TYW5: variants seen among roughly 807,000 people sequenced by gnomAD.
TYW5 encodes tRNA wybutosine-synthesizing protein 5.
In TYW5, 36 loss-of-function variants were observed where a neutral mutation model predicts 44.4. That is an observed-to-expected ratio of 0.81 (90% CI 0.62 to 1.07). The LOEUF (loss-of-function observed/expected upper bound fraction) is 1.07. Among genes scored for constraint, TYW5 ranks in the 50% least tolerant of loss-of-function variants. TYW5 has a pLI of 0.00. For synonymous variants in TYW5, 121 were observed against 128.1 expected, an observed-to-expected ratio of 0.94 and a Z score of 0.37; for missense variants, 354 against 365.7, an observed-to-expected ratio of 0.97 and a Z score of 0.26.
At chr2:199,953,360 G>T (rs142188733) in intron 1 of TYW5, among the ~76,000 whole-genome samples, 1 of 152,104 alleles carries the variant, frequency 6.6e-6, no homozygotes, top group Non-Finnish European at 1.5e-5. Context: ...GCCAATGTAG[G>T]TTTATCAATT....
intron 7 of TYW5, among the ~76,000 whole-genome samples, chr2:199,935,340 A>G (rs547420979): frequency 6.6e-6 from 1 of 151,832 alleles, no homozygotes; most frequent in East Asian, 2.0e-4. Flanking sequence ...AATTTAGTTT[A>G]TTCAGAGACA....
At chr2:199,943,140 G>A (rs2077478125) in intron 3 of TYW5, 1 of 152,246 alleles carries the variant, frequency 6.6e-6, no homozygotes, top group Non-Finnish European at 1.5e-5. Context: ...ACAGGCGTGA[G>A]CCATTGCGCT....
chr2:199,939,371 G>C (rs548607348), intron 4 of TYW5, among the ~76,000 whole-genome samples: 1 of 152,276 alleles, frequency 6.6e-6, no homozygotes, highest in South Asian at 2.1e-4. Flanking sequence ...CCAAAGTGCT[G>C]GGATTACAGG....
At chr2:199,935,783 CACAG>C (rs2077415562) in intron 7 of TYW5, 144 bp downstream of exon 7, 1 of 597,844 alleles carries the variant, frequency 1.7e-6, no homozygotes, top group African/African-American at 1.9e-5. Context: ...CACACGCACA[CACAG>C]AGTTTTGTCT....
intron 1 of TYW5, among the ~76,000 whole-genome samples, chr2:199,950,575 A>G (rs2077536750): frequency 6.6e-6 from 1 of 152,166 alleles, no homozygotes. Context: ...CCACAACCCC[A>G]AGATGTGCAC....
At chr2:199,950,590 G>T (rs531447255) in intron 1 of TYW5, among the ~76,000 whole-genome samples, 33 of 152,142 alleles carry the variant, frequency 2.2e-4, no homozygotes, top group Non-Finnish European at 4.4e-4. Context: ...GTGCACATTA[G>T]GTACACTGGC....
At position 199,943,793 on chromosome 2, in the gene TYW5, T is replaced by C. The variant is rs772589458; in HGVS notation, c.275A>G (p.Glu92Gly). Reference sequence around the variant, plus strand: ...TGAAACAAAGAATTCTTTATGTTTCTCTTCAGCTGCCCTCTGGACCAACTG... The same window carrying C: ...TGAAACAAAGAATTCTTTATGTTTCCCTTCAGCTGCCCTCTGGACCAACTG... Reference protein sequence around the residue: ...FDQLVQRAAEEKHKEFFVSED... With the variant: ...FDQLVQRAAEGKHKEFFVSED... The change falls in exon 3 of 8, where the codon GAG (glutamate) becomes GGG (glycine). Residue 92 changes from glutamate to glycine, a missense_variant. Physicochemically the swap from Glu to Gly is moderately conservative, Grantham distance 98. Transcript: ENST00000354611. 3.4e-5 allele frequency: 55 copies of C among 1,610,722 alleles called. No individual in the cohort carries two copies. Among genetic ancestry groups the C allele is most frequent in the Non-Finnish European group, 4.6e-5 (54 of 1,179,284 alleles).
intron 4 of TYW5, among the ~76,000 whole-genome samples, chr2:199,939,345 C>A (rs2077446809): frequency 6.6e-6 from 1 of 152,118 alleles, no homozygotes; most frequent in Non-Finnish European, 1.5e-5. Flanking sequence ...TCAGGTGATC[C>A]ACCCACCTCA....
At position 199,948,659 on chromosome 2, in the gene TYW5, A is replaced by G. The variant is rs527936218; in HGVS notation, c.79-187T>C. 2.6e-5 allele frequency among the ~76,000 whole-genome samples: 4 copies of G among 152,346 alleles called. No individual in the cohort carries two copies. The East Asian group carries it at 7.7e-4, about 29-fold the overall frequency. ...AGAGGGGCCATATGAAATATCTAGAACAAAATTTTAAGATTAGAAAAACAA... is the reference window on the plus strand; with the variant it reads ...AGAGGGGCCATATGAAATATCTAGAGCAAAATTTTAAGATTAGAAAAACAA... On this transcript the variant is annotated intron_variant, in intron 1 of 7. Transcript: ENST00000354611.
rs924874175 is a variant in TYW5 at position 199,929,736 on chromosome 2, G to GAGTT, written c.*3327_*3330dup. On this transcript the variant is annotated 3_prime_UTR_variant, in exon 8 of 8. Transcript: ENST00000354611. ...CTTTGTTTTGGTATTTTATCAAAGTGAGTTAGAAATTAATTACAGGACAAA... is the reference window on the plus strand; with the variant it reads ...CTTTGTTTTGGTATTTTATCAAAGTGAGTTAGTTAGAAATTAATTACAGGACAAA... Among the ~76,000 whole-genome samples, 2 of 151,964 alleles carry GAGTT rather than the reference G, an allele frequency of 1.3e-5. No homozygotes were observed. Among genetic ancestry groups the GAGTT allele is most frequent in the East Asian group, 3.9e-4 (2 of 5,192 alleles).
At chr2:199,946,010 A>C (rs1574805314) in intron 2 of TYW5, 1 of 152,230 alleles carries the variant, frequency 6.6e-6, no homozygotes, top group Non-Finnish European at 1.5e-5. Context: ...ATGTCAAAGA[A>C]GGCTTAATCA....
Position 199,932,679 on chromosome 2 carries a change from AG to A in TYW5, c.*387del. 5.2e-6 allele frequency: 1 copy of A among 191,182 alleles called. No individual in the cohort carries two copies. Among genetic ancestry groups the A allele is most frequent in the South Asian group, 9.8e-5 (1 of 10,212 alleles). 11.8% of individuals were successfully genotyped at this position (191,182 alleles called of 1,614,324 possible). On this transcript the variant is annotated 3_prime_UTR_variant, in exon 8 of 8. Transcript: ENST00000354611. ...CATGACCACGAGGGTAGCCAGCCTT[AG>A]GATGATGCCAATGTTGTGGTTGAAA...
intron 4 of TYW5, among the ~76,000 whole-genome samples, 162 bp from the exon 5 acceptor site, chr2:199,939,232 T>C (rs1029982182): frequency 6.6e-6 from 1 of 152,086 alleles, no homozygotes; most frequent in Non-Finnish European, 1.5e-5. Context: ...CTCCCCCAAG[T>C]AGCTGAGATT....
At chr2:199,955,344 C>G in intron 1 of TYW5, 49 bp downstream of exon 1, 2 of 1,595,520 alleles carry the variant, frequency 1.3e-6, no homozygotes, top group Non-Finnish European at 1.7e-6. Context: ...AAGGTAAAGA[C>G]GTGTCTCTCG....
At chr2:199,940,358 A>G (rs1019998933) in intron 3 of TYW5, among the ~76,000 whole-genome samples, 1 of 152,230 alleles carries the variant, frequency 6.6e-6, no homozygotes, top group Admixed American at 6.5e-5. Context: ...AGTTTTCTAA[A>G]AAGTTCAATT....
At chr2:199,948,739 A>C (rs1034315776) in intron 1 of TYW5, among the ~76,000 whole-genome samples, 1 of 152,200 alleles carries the variant, frequency 6.6e-6, no homozygotes, top group South Asian at 2.1e-4. Flanking sequence ...CTTTATAGTC[A>C]AATATTTTTG....
Position 199,929,466 on chromosome 2 carries a change from C to T in TYW5, c.*3601G>A, listed in dbSNP as rs1390540120. ...TGACTGCCAATCTATGTTAGTTCCT[C>T]CTGACTACATCTATTTTTTAGCACT... On this transcript the variant is annotated 3_prime_UTR_variant, in exon 8 of 8. Transcript: ENST00000354611. 6.6e-6 allele frequency among the ~76,000 whole-genome samples: 1 copy of T among 151,974 alleles called. No homozygotes were observed. The highest frequency in any genetic ancestry group is 1.5e-5 in the Non-Finnish European group (1 of 68,016).
At position 199,948,440 on chromosome 2, in the gene TYW5, C is replaced by A. The variant is rs2077519560; in HGVS notation, c.111G>T (p.Leu37Phe). 1 of 1,613,894 alleles carries A rather than the reference C, an allele frequency of 6.2e-7. No homozygotes were observed. Among genetic ancestry groups the A allele is most frequent in the Non-Finnish European group, 8.5e-7 (1 of 1,180,002 alleles). Residue 37 changes from leucine (L) to phenylalanine (F), a missense_variant, in exon 2 of 8, where the codon TTG (leucine) becomes TTT (phenylalanine). Transcript: ENST00000354611. ...CTGTCCATTTGCTTGTACATGGCCCCAAATCAATCCCTTCCAACACAAGAG... is the reference window on the plus strand; with the variant it reads ...CTGTCCATTTGCTTGTACATGGCCCAAAATCAATCCCTTCCAACACAAGAG... ...RKPLVLEGIDLGPCTSKWTVD... is the reference protein window; with the variant it reads ...RKPLVLEGIDFGPCTSKWTVD...
At chr2:199,947,395 C>T (rs1349777923) in intron 2 of TYW5, 5 of 152,158 alleles carry the variant, frequency 3.3e-5, no homozygotes, top group Non-Finnish European at 7.3e-5. Context: ...AAGATGACAG[C>T]ATTTAAAACT....
Sources: allele counts gnomAD v4.1 joint callset (sites outside exome capture counted in the v4.1 genomes callset), GRCh38; gene constraint gnomAD v4.1.1; transcripts MANE v1.5; gene names NCBI Gene and HGNC (gene_info 2026-07-23, HGNC 2026-07-21).